ITGA11: variants seen among roughly 807,000 people sequenced by gnomAD.
ITGA11 encodes integrin subunit alpha 11, also known as integrin alpha-11.
A neutral mutation model predicts 141.9 loss-of-function variants in ITGA11; 97 were observed. That is an observed-to-expected ratio of 0.68 (90% CI 0.58 to 0.81). The LOEUF is 0.81. ITGA11 is among the 30% of genes least tolerant of loss of function. ITGA11 has a pLI of 0.00. For synonymous variants in ITGA11, 658 were observed against 624.6 expected (o/e 1.05, Z -0.80); for missense variants, 1,387 against 1,559.2 (o/e 0.89, Z 1.86).
At chr15:68,327,512 T>C (rs1376264990) in intron 16 of ITGA11, among the ~76,000 whole-genome samples, 1 of 152,200 alleles carries the variant, frequency 6.6e-6, no homozygotes, top group Non-Finnish European at 1.5e-5. Flanking sequence ...AGAGACTCCC[T>C]GAGTCCCTGT....
intron 11 of ITGA11, among the ~76,000 whole-genome samples, chr15:68,338,347 G>A (rs370733257): frequency 1.3e-5 from 2 of 152,236 alleles, no homozygotes. Context: ...GCACATGTCT[G>A]TGTCTCCCAC....
At chr15:68,387,979 G>A (rs1342239088) in intron 2 of ITGA11, among the ~76,000 whole-genome samples, 3 of 152,072 alleles carry the variant, frequency 2.0e-5, no homozygotes, top group Non-Finnish European at 2.9e-5. Flanking sequence ...TGATGCACAT[G>A]TGGGTCTCAG....
At chr15:68,344,969 A>G (rs866667555) in intron 10 of ITGA11, among the ~76,000 whole-genome samples, 15 of 151,446 alleles carry the variant, frequency 9.9e-5, no homozygotes, top group South Asian at 6.3e-4. Context: ...ACCGTCACCC[A>G]TGCCCATCAA....
chr15:68,367,220 G>T (rs1412041071), intron 3 of ITGA11, among the ~76,000 whole-genome samples: 1 of 151,992 alleles, frequency 6.6e-6, no homozygotes, highest in Non-Finnish European at 1.5e-5. Flanking sequence ...GGAGAGAAAT[G>T]GGGTCCACAT....
rs1036795081 is a variant in ITGA11 at position 68,303,778 on chromosome 15, C to T, written c.3489G>A (p.Leu1163=). The T allele has an allele frequency of 1.2e-6, 2 of 1,607,000 alleles. No homozygotes were observed. Among genetic ancestry groups the T allele is most frequent in the Admixed American group, 1.7e-5 (1 of 59,740 alleles). Residue 1163 remains leucine, a synonymous_variant, in exon 29 of 30, where the codon CTG becomes CTA. Transcript: ENST00000315757. The surrounding 1 kb of genome is among the most constrained non-coding windows in gnomAD (Gnocchi z 5.3). ...CCCCTGCCAGGGCCCTCACCTTCCACAGTGCCAGGACCAGCAGGGCCAGCA... is the reference window on the plus strand; with the variant it reads ...CCCCTGCCAGGGCCCTCACCTTCCATAGTGCCAGGACCAGCAGGGCCAGCA... ...LLLLALLVLA[L]WKLGFFRSAR...
intron 2 of ITGA11, among the ~76,000 whole-genome samples, chr15:68,373,175 C>G (rs74512261): frequency 0.024 from 3,711 of 152,178 alleles, 138 homozygotes; most frequent in African/African-American, 0.082. Flanking sequence ...CGGTGATTAC[C>G]CTGGCCTTTC....
chr15:68,296,870 G>T lies in ITGA11; in HGVS notation c.*6189C>A. ...TCTATTTGAAAAAGACACTTTTATG[G>T]CTTCCCTTCCCTTCTTTCTCCTTCT... On this transcript the variant is annotated 3_prime_UTR_variant, in exon 30 of 30. Transcript: ENST00000315757. 6.7e-6 allele frequency: 1 copy of T among 150,092 alleles called. No homozygotes were observed. The highest frequency in any genetic ancestry group is 2.1e-4 in the South Asian group (1 of 4,724). The allele number at this position is 150,092 out of a possible 1,614,324, so 9.3% of individuals were successfully genotyped here. A position where few individuals can be genotyped will look rare whatever the true frequency, so the allele number is the denominator to read the frequency against.
rs1414550535 is a variant in ITGA11 at position 68,296,951 on chromosome 15, GT to G, written c.*6107del. 1 of 149,818 alleles carries G rather than the reference GT, an allele frequency of 6.7e-6. No homozygotes were observed. Among genetic ancestry groups the G allele is most frequent in the East Asian group, 1.9e-4 (1 of 5,146 alleles). 9.3% of individuals were successfully genotyped at this position (149,818 alleles called of 1,614,324 possible). On this transcript the variant is annotated 3_prime_UTR_variant, in exon 30 of 30. Transcript: ENST00000315757. The stretch of plus-strand genomic sequence containing the variant: ...TAATTTGTTTGGTTTTTGTTTGTTT[GT>G]TTTTTGAGACAGGGTTTCATTCTGT...
rs891647461 is a variant in ITGA11, at chr15:68,301,502, C to G, written c.*1557G>C. ...GGGTGATCTTGGGAGAGGGAGCGCT[C>G]CACCACTGGAGACGTCACACGGAGG... On this transcript the variant is annotated 3_prime_UTR_variant, in exon 30 of 30. Coordinates refer to ENST00000315757, the MANE Select transcript of ITGA11 (RefSeq NM_001004439.2). The surrounding 1 kb of genome is among the most constrained non-coding windows in gnomAD (Gnocchi z 4.4). 2 of 152,248 alleles carry G rather than the reference C, an allele frequency of 1.3e-5. No individual in the cohort carries two copies. Among genetic ancestry groups the G allele is most frequent in the Non-Finnish European group, 2.9e-5 (2 of 68,134 alleles). 9.4% of individuals were successfully genotyped at this position (152,248 alleles called of 1,614,324 possible). A position where few individuals can be genotyped will look rare whatever the true frequency, so the allele number is the denominator to read the frequency against.
At chr15:68,349,028 G>T in intron 9 of ITGA11, 128 bp from the exon 10 acceptor site, 2 of 776,550 alleles carry the variant, frequency 2.6e-6, no homozygotes, top group South Asian at 1.6e-5. Context: ...CTTTCGAGGG[G>T]GGGCTCTGAA....
intron 1 of ITGA11, among the ~76,000 whole-genome samples, chr15:68,406,531 A>G (rs775349739): frequency 6.6e-5 from 10 of 152,080 alleles, no homozygotes; most frequent in Non-Finnish European, 8.8e-5. Flanking sequence ...CTTGTCCATC[A>G]CCAGGCCACC....
chr15:68,370,377 TG>T (rs34637773), intron 2 of ITGA11, among the ~76,000 whole-genome samples: 1 of 152,146 alleles, frequency 6.6e-6, no homozygotes, highest in Non-Finnish European at 1.5e-5. Flanking sequence ...CCACTGATGC[TG>T]GGGAGAGTTC....
chr15:68,357,319 G>A lies in ITGA11; in HGVS notation c.601-20C>T. ...TCCAACCTGCAAGGGAGAGGAGAGG[G>A]CAACAGAACATTTTGACCCCATGAA... is the stretch of plus-strand genomic sequence containing the variant. On this transcript the variant is annotated intron_variant, in intron 6 of 29. Coordinates refer to ENST00000315757, the MANE Select transcript of ITGA11 (RefSeq NM_001004439.2). 4 of 1,602,970 alleles carry A rather than the reference G, an allele frequency of 2.5e-6. No individual in the cohort carries two copies. Among genetic ancestry groups the A allele is most frequent in the Non-Finnish European group, 3.4e-6 (4 of 1,175,626 alleles).
At chr15:68,386,442 C>G (rs771107497) in intron 2 of ITGA11, among the ~76,000 whole-genome samples, 1 of 152,178 alleles carries the variant, frequency 6.6e-6, no homozygotes, top group African/African-American at 2.4e-5. Context: ...GCAAAATAAT[C>G]CCAGAGGATC....
At position 68,321,587 on chromosome 15, in the gene ITGA11, C is replaced by T. The variant is rs1893816075; in HGVS notation, c.2323-84G>A. On this transcript the variant is annotated intron_variant, in intron 18 of 29. Transcript: ENST00000315757. This position sits in a 1 kb window ranked among gnomAD's most constrained non-coding sequence, Gnocchi z 4.9. ...CAATGTACACCAGCTCTGTCTCCAC[C>T]ACACTAGACATGGGCTGGCTTTCCT... 4.0e-6 allele frequency: 3 copies of T among 746,876 alleles called. No homozygotes were observed. The highest frequency in any genetic ancestry group is 6.4e-6 in the Non-Finnish European group (3 of 468,358). 46.3% of individuals were successfully genotyped at this position (746,876 alleles called of 1,614,324 possible).
chr15:68,302,679 T>A lies in ITGA11; in HGVS notation c.*380A>T. 1 of 205,250 alleles carries A rather than the reference T, an allele frequency of 4.9e-6. No homozygotes were observed. The highest frequency in any genetic ancestry group is 9.6e-6 in the Non-Finnish European group (1 of 103,748). The allele number at this position is 205,250 out of a possible 1,614,324, so 12.7% of individuals were successfully genotyped here. A position where few individuals can be genotyped will look rare whatever the true frequency, so the allele number is the denominator to read the frequency against. ...CTGGAGTGTGCAGATTGGGTTCGTA[T>A]TTACAGTCTTCCTCCCTGGGTTTCT... On this transcript the variant is annotated 3_prime_UTR_variant, in exon 30 of 30. Transcript: ENST00000315757.
rs1003052388 is a variant in ITGA11 at position 68,305,019 on chromosome 15, C to T, written c.3382-1134G>A. ...CTAACGAGGAAGGCAGGCTTATGCTCTGCTCTGCTCTGCTCAAGCTCAAAG... is the reference window on the plus strand; with the variant it reads ...CTAACGAGGAAGGCAGGCTTATGCTTTGCTCTGCTCTGCTCAAGCTCAAAG... On this transcript the variant is annotated intron_variant, in intron 28 of 29. Coordinates refer to ENST00000315757, the MANE Select transcript of ITGA11 (RefSeq NM_001004439.2). This position sits in a 1 kb window ranked among gnomAD's most constrained non-coding sequence, Gnocchi z 4.6. 6.6e-6 allele frequency among the ~76,000 whole-genome samples: 1 copy of T among 152,328 alleles called. No homozygotes were observed. Among genetic ancestry groups the T allele is most frequent in the East Asian group, 1.9e-4 (1 of 5,168 alleles).
At position 68,328,326 on chromosome 15, in the gene ITGA11, G is replaced by A; in HGVS notation, c.1902-64C>T. On this transcript the variant is annotated intron_variant, in intron 15 of 29. Transcript: ENST00000315757. The surrounding 1 kb of genome is among the most constrained non-coding windows in gnomAD (Gnocchi z 4.8). ...GCTCAGGCTGCCCTGCTGTGACCAT[G>A]GGGAAAGACAAGAACCAGATGCGAG... 13 of 1,490,890 alleles carry A rather than the reference G, an allele frequency of 8.7e-6. No homozygotes were observed. Among genetic ancestry groups the A allele is most frequent in the Middle Eastern group, 1.8e-4 (1 of 5,586 alleles). 92.4% of individuals were successfully genotyped at this position (1,490,890 alleles called of 1,614,324 possible).
intron 2 of ITGA11, among the ~76,000 whole-genome samples, chr15:68,370,453 C>G (rs546271709): frequency 8.9e-4 from 136 of 152,320 alleles, no homozygotes; most frequent in African/African-American, 3.1e-3. Context: ...TACGCCTCAT[C>G]TCTCACCCAC....
Sources: allele counts gnomAD v4.1 joint callset (sites outside exome capture counted in the v4.1 genomes callset), GRCh38; gene constraint gnomAD v4.1.1; non-coding constraint Gnocchi (gnomAD v3.1); transcripts MANE v1.5; gene names NCBI Gene and HGNC (gene_info 2026-07-23, HGNC 2026-07-21).